The following RIC1 variants were observed in gnomAD, a reference collection of about 807,000 sequenced individuals.
RIC1 encodes the protein RIC1 partner of RAB6A GEF complex.
Under a neutral mutation model 169.0 loss-of-function variants are expected in RIC1, and 88 were observed. That is an observed-to-expected ratio of 0.52 (90% CI 0.44 to 0.62). The LOEUF (loss-of-function observed/expected upper bound fraction) is 0.62, where lower values mean the gene tolerates loss of function less well. RIC1 is among the 20% of genes least tolerant of loss of function. RIC1 has a pLI of 0.00. For synonymous variants in RIC1, 790 were observed against 601.5 expected (o/e 1.31, Z -4.59); for missense variants, 1,877 against 1,725.5 (o/e 1.09, Z -1.56).
chr9:5,655,123 AAAG>A (rs1169808270), intron 1 of RIC1, among the ~76,000 whole-genome samples: 1 of 152,118 alleles, frequency 6.6e-6, no homozygotes, highest in African/African-American at 2.4e-5. Flanking sequence ...ATTCTGTTGA[AAAG>A]CTGCTGTGAG....
At chr9:5,723,075 A>T (rs1823712832) in intron 6 of RIC1, among the ~76,000 whole-genome samples, 1 of 152,270 alleles carries the variant, frequency 6.6e-6, no homozygotes, top group Non-Finnish European at 1.5e-5. Flanking sequence ...TATACCCAGT[A>T]ATGGGATGGC....
chr9:5,696,025 C>T (rs138152686), intron 3 of RIC1, among the ~76,000 whole-genome samples: 5 of 152,180 alleles, frequency 3.3e-5, no homozygotes, highest in African/African-American at 1.2e-4. Context: ...TTGTTTCTTC[C>T]TCTGGATTGT....
intron 21 of RIC1, among the ~76,000 whole-genome samples, chr9:5,766,059 T>G (rs1240908424): frequency 6.6e-6 from 1 of 151,866 alleles, no homozygotes. Context: ...CAAACTTGTT[T>G]AAGACAGAGT....
At chr9:5,722,643 G>C (rs902971492) in intron 6 of RIC1, among the ~76,000 whole-genome samples, 1 of 152,004 alleles carries the variant, frequency 6.6e-6, no homozygotes, top group East Asian at 1.9e-4. Context: ...TGCCATGTTG[G>C]TGTTCTGCAC....
intron 25 of RIC1, 117 bp from the exon 26 acceptor site, chr9:5,773,841 C>G (rs1827401832): frequency 1.1e-5 from 11 of 957,012 alleles, no homozygotes; most frequent in Non-Finnish European, 1.7e-5. Context: ...CTCCTCTCTC[C>G]CCTCCTAATC....
intron 1 of RIC1, among the ~76,000 whole-genome samples, chr9:5,635,306 C>T (rs1295106551): frequency 1.3e-5 from 2 of 151,992 alleles, no homozygotes; most frequent in Non-Finnish European, 2.9e-5. Context: ...ATTTTTTGTA[C>T]CCATTAACCA....
chr9:5,696,670 A>T (rs1821926047), intron 3 of RIC1, among the ~76,000 whole-genome samples: 1 of 152,196 alleles, frequency 6.6e-6, no homozygotes, highest in African/African-American at 2.4e-5. Context: ...GCTTTTTTAG[A>T]TTCTAATCTC....
chr9:5,757,851 A>C (rs1315146782), intron 17 of RIC1, among the ~76,000 whole-genome samples: 1 of 152,242 alleles, frequency 6.6e-6, no homozygotes, highest in Non-Finnish European at 1.5e-5. Flanking sequence ...ACAAGGCAGA[A>C]CATGACACAC....
intron 2 of RIC1, among the ~76,000 whole-genome samples, chr9:5,674,567 GCCTTT>G (rs2130592638): frequency 6.6e-6 from 1 of 152,280 alleles, no homozygotes; most frequent in African/African-American, 2.4e-5. Flanking sequence ...GCAAGAAACT[GCCTTT>G]CCTTTTGTTC....
chr9:5,647,992 G>A (rs1818615611), intron 1 of RIC1, among the ~76,000 whole-genome samples: 1 of 120,550 alleles, frequency 8.3e-6, no homozygotes, highest in Non-Finnish European at 1.7e-5. Context: ...GGTGGTGGTG[G>A]TAGTGGTAGT....
At chr9:5,646,001 C>T (rs1027180361) in intron 1 of RIC1, among the ~76,000 whole-genome samples, 6 of 148,622 alleles carry the variant, frequency 4.0e-5, no homozygotes, top group African/African-American at 1.2e-4. Context: ...TAAGAAATTG[C>T]CACATACTGT....
At position 5,730,191 on chromosome 9, in the gene RIC1, T is replaced by G. The variant is rs141775814; in HGVS notation, c.721-2197T>G. Among the ~76,000 whole-genome samples, 350 of 152,296 alleles carry G rather than the reference T, an allele frequency of 2.3e-3. 1 individual carries two copies. Among genetic ancestry groups the G allele is most frequent in the Non-Finnish European group, 4.5e-3 (305 of 68,022 alleles). On this transcript the variant is annotated intron_variant, in intron 6 of 25. Coordinates refer to ENST00000414202, the MANE Select transcript of RIC1 (RefSeq NM_020829.4). ...TGTTAAAATGTGATTATGTCAGTCC[T>G]CTGTGGAGACTCATTCAGTAGGACT...
intron 19 of RIC1, among the ~76,000 whole-genome samples, chr9:5,764,657 C>G (rs1826577870): frequency 6.6e-6 from 1 of 152,162 alleles, no homozygotes; most frequent in African/African-American, 2.4e-5. Context: ...GACACTCAAG[C>G]AGAGGCCAGG....
chr9:5,662,703 T>C (rs1457857481), intron 2 of RIC1, among the ~76,000 whole-genome samples: 3 of 152,168 alleles, frequency 2.0e-5, no homozygotes, highest in African/African-American at 7.2e-5. Context: ...TCATTTCTGA[T>C]TGTGTTTATT....
chr9:5,689,835 A>G, intron 2 of RIC1, 124 bp from the exon 3 acceptor site: 1 of 612,098 alleles, frequency 1.6e-6, no homozygotes, highest in South Asian at 2.2e-5. Flanking sequence ...TTAGGCTATA[A>G]TTCTCCAAGG....
intron 2 of RIC1, among the ~76,000 whole-genome samples, chr9:5,672,381 C>G (rs907072704): frequency 1.3e-5 from 2 of 152,104 alleles, no homozygotes; most frequent in African/African-American, 2.4e-5. Context: ...TTACTAAGAA[C>G]TTTCAGAAAA....
intron 1 of RIC1, among the ~76,000 whole-genome samples, chr9:5,634,139 C>T (rs1219078475): frequency 1.3e-5 from 2 of 152,152 alleles, no homozygotes; most frequent in Non-Finnish European, 1.5e-5. Flanking sequence ...CATCTATTGA[C>T]AGACACTTAG....
intron 1 of RIC1, among the ~76,000 whole-genome samples, chr9:5,631,973 G>T (rs1401436984): frequency 6.6e-6 from 1 of 152,164 alleles, no homozygotes; most frequent in African/African-American, 2.4e-5. Context: ...GAGTGAATTG[G>T]TTTAAAAAGT....
At chr9:5,756,985 C>T (rs1209737013) in intron 16 of RIC1, among the ~76,000 whole-genome samples, 1 of 152,194 alleles carries the variant, frequency 6.6e-6, no homozygotes, top group Admixed American at 6.5e-5. Flanking sequence ...AAAATTAAGA[C>T]ATCTCACTAG....
Sources: allele counts gnomAD v4.1 joint callset (sites outside exome capture counted in the v4.1 genomes callset), GRCh38; gene constraint gnomAD v4.1.1; transcripts MANE v1.5; gene names NCBI Gene and HGNC (gene_info 2026-07-23, HGNC 2026-07-21).